FGF13: variants seen among roughly 807,000 people sequenced by gnomAD.
FGF13 encodes the protein fibroblast growth factor homologous factor 2.
In FGF13, 2 loss-of-function variants were observed where a neutral mutation model predicts 19.5. That is an observed-to-expected ratio of 0.10 (90% CI 0.04 to 0.32). FGF13 has a LOEUF of 0.32. FGF13 is among the 10% of genes least tolerant of loss of function. The pLI is 1.00. For missense variants in FGF13, 113 were observed against 192.7 expected, an observed-to-expected ratio of 0.59 and a Z score of 2.45; for synonymous variants, 72 against 76.9, an observed-to-expected ratio of 0.94 and a Z score of 0.33.
chrX:138,755,969 C>T (rs748753652), intron 3 of FGF13, among the ~76,000 whole-genome samples: 1 of 111,364 alleles, frequency 9.0e-6, no homozygotes, highest in African/African-American at 3.3e-5. Context: ...GATTGGTGTC[C>T]TTATAAGAAG....
intron 3 of FGF13, among the ~76,000 whole-genome samples, chrX:138,772,014 ATG>A (rs1249508704): frequency 3.3e-5 from 2 of 59,790 alleles, no homozygotes; most frequent in East Asian, 5.8e-4. Context: ...TAAGATACAT[ATG>A]TGTATATATA....
At chrX:138,785,394 T>C (rs903003455) in intron 3 of FGF13, among the ~76,000 whole-genome samples, 2 of 111,907 alleles carry the variant, frequency 1.8e-5, no homozygotes, top group Non-Finnish European at 3.8e-5. Flanking sequence ...CAAATCTCTT[T>C]CATAAGTAGT....
intron 1 of FGF13, among the ~76,000 whole-genome samples, chrX:139,140,491 A>T (rs1293718842): frequency 9.0e-6 from 1 of 111,172 alleles, no homozygotes; most frequent in Non-Finnish European, 1.9e-5. Context: ...CCAGTCTCCT[A>T]ATGTATCTAC....
intron 1 of FGF13, among the ~76,000 whole-genome samples, chrX:139,147,725 A>G (rs1055388577): frequency 7.2e-5 from 8 of 111,020 alleles, no homozygotes; most frequent in Non-Finnish European, 1.3e-4. Context: ...TCGTCTTCAT[A>G]TGGCCTGGTA....
chrX:138,943,967 C>T (rs1172088234), intron 1 of FGF13, among the ~76,000 whole-genome samples: 1 of 111,207 alleles, frequency 9.0e-6, no homozygotes, highest in East Asian at 2.8e-4. Context: ...GATATTTGTA[C>T]TATTTTACTG....
intron 4 of FGF13, among the ~76,000 whole-genome samples, chrX:138,633,576 A>G (rs1400045475): frequency 8.9e-6 from 1 of 112,451 alleles, no homozygotes; most frequent in Non-Finnish European, 1.9e-5. Context: ...CTTTAAAATG[A>G]AACACTTCAA....
At chrX:138,807,977 C>A (rs1019893236) in intron 3 of FGF13, among the ~76,000 whole-genome samples, 2 of 111,356 alleles carry the variant, frequency 1.8e-5, no homozygotes, top group African/African-American at 3.3e-5. Context: ...CTTAGACTCC[C>A]ACACAATGAC....
intron 1 of FGF13, among the ~76,000 whole-genome samples, chrX:139,007,970 G>C (rs367718406): frequency 1.8e-5 from 2 of 112,908 alleles, no homozygotes; most frequent in African/African-American, 6.4e-5. Context: ...TAGTGGGAGT[G>C]AGACTGGCCT....
At chrX:138,975,786 G>A (rs1372682822) in intron 1 of FGF13, among the ~76,000 whole-genome samples, 6 of 110,944 alleles carry the variant, frequency 5.4e-5, no homozygotes, top group Non-Finnish European at 1.1e-4. Context: ...GAGAATGAGG[G>A]TAAGAGCAAA....
chrX:138,977,503 C>A (rs757922894), intron 1 of FGF13, among the ~76,000 whole-genome samples: 1 of 112,350 alleles, frequency 8.9e-6, no homozygotes, highest in East Asian at 2.8e-4. Context: ...TTTCTTTTTG[C>A]CACAGCTTGC....
intron 3 of FGF13, among the ~76,000 whole-genome samples, chrX:138,789,092 C>A (rs1415233238): frequency 8.9e-6 from 1 of 112,098 alleles, no homozygotes; most frequent in Non-Finnish European, 1.9e-5. Context: ...TTCCTCATTT[C>A]CATCTGAAAT....
intron 3 of FGF13, among the ~76,000 whole-genome samples, chrX:138,836,652 A>G: frequency 9.0e-6 from 1 of 111,502 alleles, no homozygotes; most frequent in Admixed American, 9.5e-5. Context: ...AGCTCAGTGA[A>G]CTTCATTCCT....
intron 3 of FGF13, among the ~76,000 whole-genome samples, chrX:138,652,383 T>G (rs1285308624): frequency 9.0e-6 from 1 of 111,688 alleles, no homozygotes; most frequent in East Asian, 2.8e-4. Flanking sequence ...TTGTTTAAAG[T>G]CTGTCTACCC....
At chrX:138,745,157 A>G (rs2090346281) in intron 3 of FGF13, among the ~76,000 whole-genome samples, 2 of 111,937 alleles carry the variant, frequency 1.8e-5, no homozygotes, top group Admixed American at 9.5e-5. Context: ...TAACATCTAA[A>G]TCTGTCAATG....
At chrX:138,849,408 A>C (rs746951233) in intron 3 of FGF13, among the ~76,000 whole-genome samples, 1 of 112,336 alleles carries the variant, frequency 8.9e-6, no homozygotes, top group Non-Finnish European at 1.9e-5. Context: ...TGATCTGATA[A>C]CTATGTAAGA....
At chrX:138,947,443 T>C (rs1028689712) in intron 1 of FGF13, among the ~76,000 whole-genome samples, 2 of 111,679 alleles carry the variant, frequency 1.8e-5, no homozygotes, top group Non-Finnish European at 3.8e-5. Context: ...ATCTTAATTT[T>C]CTCATATGAA....
chrX:139,158,938 G>C (rs189826735), intron 1 of FGF13, among the ~76,000 whole-genome samples: 4 of 111,821 alleles, frequency 3.6e-5, no homozygotes, highest in African/African-American at 3.3e-5. Flanking sequence ...CCCTAACCTA[G>C]CAAGACAGGC....
rs1282449038 is a variant in FGF13 at position 138,624,431 on chromosome X, G to A, written c.*8419C>T. ...CATACACAAAAATCAACTCAAAATC[G>A]ATTAAAAACTTAAACATAAGACCTA... On this transcript the variant is annotated 3_prime_UTR_variant, in exon 5 of 5. Transcript: ENST00000315930. 2 of 111,753 alleles carry A rather than the reference G, an allele frequency of 1.8e-5. No homozygotes were observed. The highest frequency in any genetic ancestry group is 3.3e-5 in the African/African-American group (1 of 30,726). The allele number at this position is 111,753 out of a possible 1,213,427, so 9.2% of individuals were successfully genotyped here. A position where few individuals can be genotyped will look rare whatever the true frequency, so the allele number is the denominator to read the frequency against.
intron 2 of FGF13, among the ~76,000 whole-genome samples, 184 bp from the exon 3 acceptor site, chrX:138,703,271 C>T (rs1245668994): frequency 9.0e-6 from 1 of 111,664 alleles, no homozygotes; most frequent in Non-Finnish European, 1.9e-5. Context: ...ACACATACCC[C>T]GAGGCAGACA....
Sources: gnomAD v4.1 joint callset for allele counts (sites outside exome capture counted in the v4.1 genomes callset) on GRCh38, gnomAD v4.1.1 for gene constraint, MANE v1.5 for transcripts, NCBI Gene and HGNC (gene_info 2026-07-23, HGNC 2026-07-21) for gene names.